Variants in DLG2 observed in about 807,000 individuals in gnomAD.
The protein encoded by DLG2 is discs large MAGUK scaffold protein 2.
Under a neutral mutation model 132.5 loss-of-function variants are expected in DLG2, and 45 were observed. The ratio of observed to expected loss-of-function variants is 0.34; its 90% CI spans 0.27 to 0.44. The LOEUF is 0.44. Among genes scored for constraint, DLG2 ranks in the 20% least tolerant of loss-of-function variants. DLG2 has a pLI of 1.00. For synonymous variants in DLG2, 424 were observed against 419.6 expected, an observed-to-expected ratio of 1.01 and a Z score of -0.13; for missense variants, 1,045 against 1,196.9, an observed-to-expected ratio of 0.87 and a Z score of 1.87.
At chr11:84,954,584 T>C (rs2051393713) in intron 6 of DLG2, among the ~76,000 whole-genome samples, 1 of 152,186 alleles carries the variant, frequency 6.6e-6, no homozygotes, top group African/African-American at 2.4e-5. Flanking sequence ...CAGGAATTCA[T>C]ATTGAATAGA....
intron 7 of DLG2, among the ~76,000 whole-genome samples, chr11:84,388,837 A>T (rs1440532230): frequency 6.6e-6 from 1 of 152,008 alleles, no homozygotes; most frequent in African/African-American, 2.4e-5. Flanking sequence ...AAATCATGTA[A>T]CTCTTGCTCT....
chr11:85,285,346 C>G lies in DLG2; in HGVS notation c.60G>C (p.Glu20Asp). 1 of 1,610,694 alleles carries G rather than the reference C, an allele frequency of 6.2e-7. No individual in the cohort carries two copies. The highest frequency in any genetic ancestry group is 8.5e-7 in the Non-Finnish European group (1 of 1,178,196). Residue 20 changes from glutamate (E) to aspartate (D), a missense_variant, in exon 4 of 28, where the codon GAG (glutamate) becomes GAC (aspartate). This residue lies in a region of DLG2 where 277 missense variants were observed against 238.2 expected (regional missense o/e 1.16). Transcript: ENST00000376104. ...TTTTTTGAGAATTTAGCAATGTCAC[C>G]TCATAAAATTCTTGGATATCTGTAA... Reference protein sequence around the residue: ...QALLDIQEFYEVTLLNSQKSC... With the variant: ...QALLDIQEFYDVTLLNSQKSC...
chr11:84,282,553 A>C (rs1234855760), intron 7 of DLG2, among the ~76,000 whole-genome samples: 3 of 152,184 alleles, frequency 2.0e-5, no homozygotes, highest in African/African-American at 7.2e-5. Flanking sequence ...AGAAACCATC[A>C]GGAAGTCTTA....
chr11:85,235,353 T>G (rs925460627), intron 4 of DLG2, among the ~76,000 whole-genome samples: 28 of 152,074 alleles, frequency 1.8e-4, no homozygotes, highest in African/African-American at 5.1e-4. Context: ...GCCTATGTCC[T>G]TTCATCCATC....
At chr11:84,587,597 A>G (rs1024955365) in intron 6 of DLG2, among the ~76,000 whole-genome samples, 2 of 152,132 alleles carry the variant, frequency 1.3e-5, no homozygotes, top group Non-Finnish European at 2.9e-5. Context: ...CTGGTTTTTA[A>G]AAAGGCGGTT....
chr11:84,725,765 A>G (rs912721690), intron 6 of DLG2, among the ~76,000 whole-genome samples: 1 of 152,134 alleles, frequency 6.6e-6, no homozygotes, highest in Non-Finnish European at 1.5e-5. Context: ...GAGATAACAT[A>G]TTGCAAAATG....
chr11:83,668,069 A>G (rs1319878826), intron 18 of DLG2, among the ~76,000 whole-genome samples: 3 of 45,466 alleles, frequency 6.6e-5, no homozygotes, highest in African/African-American at 1.8e-4. Flanking sequence ...GAAATGAAGT[A>G]AAAAAAAAAA....
intron 6 of DLG2, among the ~76,000 whole-genome samples, chr11:84,676,090 T>TCATTCTC (rs1270355338): frequency 6.6e-6 from 1 of 152,072 alleles, no homozygotes; most frequent in Non-Finnish European, 1.5e-5. Flanking sequence ...GGTGGTACTA[T>TCATTCTC]CATTCTCCTG....
At position 85,554,799 on chromosome 11, in the gene DLG2, C is replaced by G. The variant is rs755609714; in HGVS notation, c.40+43858G>C. ...TATAGGTAACACCCTATTTTAGAAC[C>G]TAAGGTTGGTCTTTGAGATTTTTTT... On this transcript the variant is annotated intron_variant, in intron 3 of 27. Coordinates refer to ENST00000376104, the MANE Select transcript of DLG2 (RefSeq NM_001142699.3). Among the ~76,000 whole-genome samples, 44 of 151,666 alleles carry G rather than the reference C, an allele frequency of 2.9e-4. 1 individual carries two copies. The highest frequency in any genetic ancestry group is 4.7e-4 in the Non-Finnish European group (32 of 67,826).
At chr11:85,299,298 C>G (rs913430828) in intron 3 of DLG2, among the ~76,000 whole-genome samples, 2 of 152,166 alleles carry the variant, frequency 1.3e-5, no homozygotes, top group Non-Finnish European at 2.9e-5. Context: ...ATGTCTCACT[C>G]CAAAGCCTGT....
chr11:84,463,864 C>A (rs933205110), intron 7 of DLG2, among the ~76,000 whole-genome samples: 2 of 151,086 alleles, frequency 1.3e-5, no homozygotes, highest in African/African-American at 4.8e-5. Context: ...CTTGATCGAC[C>A]TATTATACTC....
intron 27 of DLG2, among the ~76,000 whole-genome samples, chr11:83,461,140 C>T (rs1007597578): frequency 3.3e-5 from 5 of 151,572 alleles, no homozygotes; most frequent in African/African-American, 1.2e-4. Flanking sequence ...TCCCTAGTAG[C>T]TGGGATTACA....
At chr11:84,403,734 G>T (rs1006734387) in intron 7 of DLG2, among the ~76,000 whole-genome samples, 1 of 151,978 alleles carries the variant, frequency 6.6e-6, no homozygotes, top group African/African-American at 2.4e-5. Flanking sequence ...CATTTGATTC[G>T]GGTGTCTGTC....
At chr11:84,408,393 G>A (rs117541678) in intron 7 of DLG2, among the ~76,000 whole-genome samples, 5,614 of 151,828 alleles carry the variant, frequency 0.037, 160 homozygotes, top group Non-Finnish European at 0.054. Context: ...TGTGCACAAC[G>A]TGCAGATTTG....
chr11:84,035,385 ATGTT>A (rs1228244746), intron 11 of DLG2, among the ~76,000 whole-genome samples: 1 of 152,186 alleles, frequency 6.6e-6, no homozygotes, highest in Admixed American at 6.6e-5. Context: ...TTATAATACA[ATGTT>A]TGGTTGTGAT....
intron 7 of DLG2, among the ~76,000 whole-genome samples, chr11:84,282,992 T>G (rs1025195303): frequency 2.6e-5 from 4 of 152,178 alleles, no homozygotes; most frequent in African/African-American, 9.7e-5. Flanking sequence ...GCAGAACCAC[T>G]TCATGTAATT....
At chr11:84,224,505 A>ATGAAG in intron 8 of DLG2, among the ~76,000 whole-genome samples, 1 of 152,236 alleles carries the variant, frequency 6.6e-6, no homozygotes, top group African/African-American at 2.4e-5. Context: ...GGGGAAAATC[A>ATGAAG]TGATAATGAC....
intron 2 of DLG2, among the ~76,000 whole-genome samples, chr11:85,604,062 T>C (rs1164782882): frequency 1.3e-5 from 2 of 152,370 alleles, no homozygotes; most frequent in African/African-American, 2.4e-5. Context: ...ATTTAGCATA[T>C]ATTTATCCAA....
intron 3 of DLG2, among the ~76,000 whole-genome samples, chr11:85,490,945 C>G (rs1195213255): frequency 6.6e-6 from 1 of 151,984 alleles, no homozygotes; most frequent in African/African-American, 2.4e-5. Context: ...CATCCTGATA[C>G]CAAAACCAGA....
Sources: allele counts gnomAD v4.1 joint callset (sites outside exome capture counted in the v4.1 genomes callset), GRCh38; gene constraint gnomAD v4.1.1; regional missense constraint gnomAD v4.1.1; transcripts MANE v1.5; gene names NCBI Gene and HGNC (gene_info 2026-07-23, HGNC 2026-07-21).